Variants in PPP2R2B observed in about 807,000 individuals in gnomAD.
PPP2R2B encodes the protein serine/threonine-protein phosphatase 2A 55 kDa regulatory subunit B beta isoform.
PPP2R2B carries 5 observed loss-of-function variants against 46.0 expected under a neutral mutation model. The ratio of observed to expected loss-of-function variants is 0.11; its 90% CI spans 0.06 to 0.23. The LOEUF is 0.23. Among genes scored for constraint, PPP2R2B ranks in the 10% least tolerant of loss-of-function variants. PPP2R2B has a pLI of 1.00. For synonymous variants in PPP2R2B, 215 were observed against 206.7 expected, an observed-to-expected ratio of 1.04 and a Z score of -0.34; for missense variants, 367 against 575.0, an observed-to-expected ratio of 0.64 and a Z score of 3.70.
At chr5:146,603,753 A>T (rs992698946) in intron 7 of PPP2R2B, among the ~76,000 whole-genome samples, 2 of 152,180 alleles carry the variant, frequency 1.3e-5, no homozygotes, top group African/African-American at 2.4e-5. Context: ...TATTTCATTT[A>T]GTTGTTAAAA....
At chr5:147,056,119 G>C (rs1349261782), upstream of PPP2R2B, 1 of 1,049,924 alleles carries the variant, frequency 9.5e-7, no homozygotes, top group Non-Finnish European at 1.2e-6. Context: ...CTTTTCGCAA[G>C]AGAAATCCAG....
intron 5 of PPP2R2B, among the ~76,000 whole-genome samples, chr5:146,686,781 G>C (rs77122994): frequency 6.6e-6 from 1 of 152,150 alleles, no homozygotes; most frequent in African/African-American, 2.4e-5. Flanking sequence ...ACCCTGCAGG[G>C]AGAAGTATGC....
chr5:146,875,279 T>A (rs1761831401), intron 2 of PPP2R2B, among the ~76,000 whole-genome samples: 2 of 152,010 alleles, frequency 1.3e-5, no homozygotes, highest in South Asian at 4.2e-4. Flanking sequence ...AGATGTTAAC[T>A]TTAAAAGAGG....
Position 146,589,908 on chromosome 5 carries a change from T to A in PPP2R2B, c.*39A>T, listed in dbSNP as rs1460965242. 1 of 1,581,652 alleles carries A rather than the reference T, an allele frequency of 6.3e-7. No individual in the cohort carries two copies. ...AACATTTAAAAACTTGTTTGACTAGTATTCAGTATGTGAGATTATTAAGTA... is the reference window on the plus strand; with the variant it reads ...AACATTTAAAAACTTGTTTGACTAGAATTCAGTATGTGAGATTATTAAGTA... On this transcript the variant is annotated 3_prime_UTR_variant, in exon 10 of 10. Transcript: ENST00000394411.
intron 5 of PPP2R2B, among the ~76,000 whole-genome samples, chr5:146,670,300 A>C (rs1247493729): frequency 1.3e-5 from 2 of 152,152 alleles, no homozygotes; most frequent in African/African-American, 4.8e-5. Flanking sequence ...AGAGTTCTTA[A>C]AGAGCAATAG....
intron 2 of PPP2R2B, among the ~76,000 whole-genome samples, chr5:146,874,352 T>A (rs1761778879): frequency 6.6e-6 from 1 of 152,226 alleles, no homozygotes; most frequent in Non-Finnish European, 1.5e-5. Flanking sequence ...CTTGGAATAG[T>A]AAACTTGTTC....
At chr5:146,874,087 G>C (rs975181223) in intron 2 of PPP2R2B, among the ~76,000 whole-genome samples, 1 of 152,152 alleles carries the variant, frequency 6.6e-6, no homozygotes, top group Non-Finnish European at 1.5e-5. Context: ...TTGAACTCCC[G>C]ATCTAAATTA....
intron 7 of PPP2R2B, among the ~76,000 whole-genome samples, chr5:146,608,988 A>T (rs1022935405): frequency 1.3e-5 from 2 of 152,198 alleles, no homozygotes; most frequent in Non-Finnish European, 2.9e-5. Context: ...GAGAACTATA[A>T]GCCAATATCC....
intron 5 of PPP2R2B, among the ~76,000 whole-genome samples, chr5:146,671,278 A>T (rs1325477608): frequency 6.6e-6 from 1 of 152,188 alleles, no homozygotes; most frequent in Non-Finnish European, 1.5e-5. Context: ...GTACTGTGTC[A>T]GGCAAAATAT....
At chr5:146,764,038 A>G (rs1362589169) in intron 2 of PPP2R2B, among the ~76,000 whole-genome samples, 10 of 152,128 alleles carry the variant, frequency 6.6e-5, no homozygotes, top group African/African-American at 2.4e-4. Flanking sequence ...CAATTTTAAT[A>G]TAATTATTAA....
intron 2 of PPP2R2B, among the ~76,000 whole-genome samples, chr5:146,877,555 A>G (rs1422813679): frequency 4.6e-5 from 7 of 151,954 alleles, no homozygotes; most frequent in Non-Finnish European, 1.0e-4. Context: ...GGCCGGGGAG[A>G]TGAATGGGCA....
chr5:146,715,418 T>C (rs998135051), intron 2 of PPP2R2B, among the ~76,000 whole-genome samples: 2 of 152,198 alleles, frequency 1.3e-5, no homozygotes, highest in African/African-American at 4.8e-5. Flanking sequence ...GCATAGTTTT[T>C]CTTTGAAACT....
chr5:147,051,971 A>G (rs1756849678), intron 1 of PPP2R2B, among the ~76,000 whole-genome samples: 1 of 151,572 alleles, frequency 6.6e-6, no homozygotes, highest in South Asian at 2.1e-4. Context: ...TGTTTCTCCA[A>G]TTCTGATACC....
chr5:146,980,536 A>C (rs1382350597), intron 1 of PPP2R2B, among the ~76,000 whole-genome samples: 1 of 152,182 alleles, frequency 6.6e-6, no homozygotes, highest in African/African-American at 2.4e-5. Flanking sequence ...GAGAGGAAGG[A>C]AGGCTCAAGG....
At chr5:147,038,900 T>C (rs1027577754) in intron 1 of PPP2R2B, among the ~76,000 whole-genome samples, 2 of 152,216 alleles carry the variant, frequency 1.3e-5, no homozygotes, top group African/African-American at 4.8e-5. Context: ...ACTGCTAAGA[T>C]ACACTGCTTC....
At chr5:146,799,642 TGA>T in intron 2 of PPP2R2B, among the ~76,000 whole-genome samples, 1 of 152,308 alleles carries the variant, frequency 6.6e-6, no homozygotes, top group Admixed American at 6.5e-5. Context: ...GAATGAAGCA[TGA>T]ATCACAGATA....
intron 9 of PPP2R2B, chr5:146,592,095 G>T (rs1770719247): frequency 2.3e-6 from 1 of 437,884 alleles, no homozygotes; most frequent in African/African-American, 2.0e-5. Flanking sequence ...TTTTCCCATG[G>T]TGGATTTTGT....
At chr5:146,649,396 C>T (rs1222988392) in intron 6 of PPP2R2B, among the ~76,000 whole-genome samples, 2 of 151,552 alleles carry the variant, frequency 1.3e-5, no homozygotes, top group African/African-American at 2.4e-5. Flanking sequence ...GGTGAAAATA[C>T]TGGCCCAGCT....
At chr5:146,972,751 G>T (rs535127022) in intron 1 of PPP2R2B, among the ~76,000 whole-genome samples, 1 of 152,054 alleles carries the variant, frequency 6.6e-6, no homozygotes, top group African/African-American at 2.4e-5. Context: ...AAATCTTAGT[G>T]TAATTATAAT....
Sources: allele counts gnomAD v4.1 joint callset (sites outside exome capture counted in the v4.1 genomes callset), GRCh38; gene constraint gnomAD v4.1.1; transcripts MANE v1.5; gene names NCBI Gene and HGNC (gene_info 2026-07-23, HGNC 2026-07-21).